Variants in M1AP observed in about 807,000 individuals in gnomAD.
The protein encoded by M1AP is meiosis 1 associated protein, also known as meiosis 1 arrest protein.
Under a neutral mutation model 51.2 loss-of-function variants are expected in M1AP, and 39 were observed. That is an observed-to-expected ratio of 0.76 (90% CI 0.59 to 1.00). The LOEUF (loss-of-function observed/expected upper bound fraction) is 1.00. Among genes scored for constraint, M1AP ranks in the 50% least tolerant of loss-of-function variants. The pLI, the probability that M1AP is intolerant of heterozygous loss-of-function variation, is 0.00. For synonymous variants in M1AP, 251 were observed against 249.2 expected (o/e 1.01, Z -0.07); for missense variants, 545 against 641.2 (o/e 0.85, Z 1.62).
At chr2:74,614,327 G>A (rs1681540051) in intron 3 of M1AP, among the ~76,000 whole-genome samples, 1 of 152,184 alleles carries the variant, frequency 6.6e-6, no homozygotes, top group African/African-American at 2.4e-5. Context: ...TTAGGATGGA[G>A]TGGCAACTTC....
intron 3 of M1AP, among the ~76,000 whole-genome samples, chr2:74,612,489 T>C (rs2104727825): frequency 6.6e-6 from 1 of 152,292 alleles, no homozygotes; most frequent in African/African-American, 2.4e-5. Context: ...CAAAGTGTTG[T>C]ACTATTTTAA....
At chr2:74,591,445 A>C (rs2104632711) in intron 4 of M1AP, among the ~76,000 whole-genome samples, 1 of 152,362 alleles carries the variant, frequency 6.6e-6, no homozygotes, top group East Asian at 1.9e-4. Flanking sequence ...TATTCTATAA[A>C]CCAAAAAGCA....
intron 4 of M1AP, among the ~76,000 whole-genome samples, chr2:74,602,061 G>C (rs961656400): frequency 6.6e-6 from 1 of 152,154 alleles, no homozygotes; most frequent in Non-Finnish European, 1.5e-5. Context: ...TGGAGTAAAA[G>C]AATTATAACT....
At position 74,605,944 on chromosome 2, in the gene M1AP, C is replaced by T. The variant is rs563515768; in HGVS notation, c.595+1111G>A. 5.3e-5 allele frequency among the ~76,000 whole-genome samples: 8 copies of T among 152,154 alleles called. No homozygotes were observed. In the South Asian group the frequency reaches 6.2e-4, roughly 12 times the overall value. On this transcript the variant is annotated intron_variant, in intron 4 of 10. Coordinates refer to ENST00000421985, the MANE Select transcript of M1AP (RefSeq NM_001321739.2). ...GCTATTAATGTCACACTTCCTCAGGCGGCACCAGATACTTGCCAAGCAAGT... is the reference window on the plus strand; with the variant it reads ...GCTATTAATGTCACACTTCCTCAGGTGGCACCAGATACTTGCCAAGCAAGT...
rs115244056 is a variant in M1AP at position 74,615,045 on chromosome 2, T to A, written c.345A>T (p.Ala115=). 8.4e-4 allele frequency: 1,360 copies of A among 1,614,176 alleles called. 14 individuals carry two copies. In the African/African-American group the frequency reaches 0.016, roughly 20 times the overall value. Reference sequence around the variant, plus strand: ...TGAATTGCTGGAGCCCATCCTCTACTGCCAGCCGCAGAGAAGCACCTTGTG... The same window carrying A: ...TGAATTGCTGGAGCCCATCCTCTACAGCCAGCCGCAGAGAAGCACCTTGTG... The part of the protein sequence containing the change: ...FRSQGASLRL[A]VEDGLQQFKQ... The change falls in exon 3 of 11, where the codon GCA becomes GCT. Residue 115 remains alanine, a synonymous_variant. Transcript: ENST00000421985.
intron 1 of M1AP, among the ~76,000 whole-genome samples, chr2:74,643,574 G>C (rs889819248): frequency 6.6e-6 from 1 of 151,620 alleles, no homozygotes; most frequent in African/African-American, 2.4e-5. Context: ...GGGGGTCCTG[G>C]GGTGTTGGTA....
intron 7 of M1AP, among the ~76,000 whole-genome samples, chr2:74,563,606 T>TAAAAAAA (rs750014043): frequency 1.1e-4 from 6 of 54,612 alleles, no homozygotes; most frequent in Non-Finnish European, 1.5e-4. Flanking sequence ...TCTCAAAACA[T>TAAAAAAA]AAAAAAAAAA....
At chr2:74,648,169 G>A in intron 1 of M1AP, 96 bp downstream of exon 1, 1 of 956,964 alleles carries the variant, frequency 1.0e-6, no homozygotes, top group Non-Finnish European at 1.2e-6. Context: ...CCTGCCTGAG[G>A]ACTGGCCCGA....
intron 2 of M1AP, among the ~76,000 whole-genome samples, chr2:74,623,774 C>T (rs1419622298): frequency 6.6e-6 from 1 of 152,170 alleles, no homozygotes; most frequent in Non-Finnish European, 1.5e-5. Flanking sequence ...CAGGCTCAAG[C>T]GATTCTCTCT....
At chr2:74,601,717 T>A (rs1160670001) in intron 4 of M1AP, among the ~76,000 whole-genome samples, 2 of 152,170 alleles carry the variant, frequency 1.3e-5, no homozygotes, top group Non-Finnish European at 2.9e-5. Context: ...ATGGTTAAAA[T>A]TTATAGAAAA....
At chr2:74,605,234 A>G (rs1423463539) in intron 4 of M1AP, among the ~76,000 whole-genome samples, 3 of 152,212 alleles carry the variant, frequency 2.0e-5, no homozygotes, top group African/African-American at 7.2e-5. Flanking sequence ...ATTTCTAGGA[A>G]TTTATTCCAC....
At chr2:74,623,603 A>C (rs1286667284) in intron 2 of M1AP, among the ~76,000 whole-genome samples, 2 of 152,172 alleles carry the variant, frequency 1.3e-5, no homozygotes, top group Non-Finnish European at 2.9e-5. Context: ...ATATATTTTA[A>C]AACTTCCTCA....
At chr2:74,624,459 G>A (rs1682259377) in intron 2 of M1AP, among the ~76,000 whole-genome samples, 1 of 152,122 alleles carries the variant, frequency 6.6e-6, no homozygotes, top group Non-Finnish European at 1.5e-5. Flanking sequence ...TATGGCCCTA[G>A]GCAGTTAGGA....
intron 7 of M1AP, among the ~76,000 whole-genome samples, chr2:74,571,335 G>A (rs1445237271): frequency 6.6e-6 from 1 of 152,200 alleles, no homozygotes; most frequent in Non-Finnish European, 1.5e-5. Context: ...GACAATGGCG[G>A]TGCTGCTATT....
At chr2:74,591,760 G>A (rs1030352681) in intron 4 of M1AP, among the ~76,000 whole-genome samples, 1 of 152,000 alleles carries the variant, frequency 6.6e-6, no homozygotes, top group Non-Finnish European at 1.5e-5. Context: ...TAAAGAAGAC[G>A]CTCAAATCAA....
chr2:74,558,936 C>T, intron 10 of M1AP, 62 bp from the exon 11 acceptor site: 2 of 1,460,046 alleles, frequency 1.4e-6, no homozygotes, highest in Non-Finnish European at 1.8e-6. Context: ...CTATCCCATT[C>T]TCTGTTGGGC....
intron 4 of M1AP, among the ~76,000 whole-genome samples, chr2:74,606,601 C>T (rs1163100273): frequency 1.3e-5 from 2 of 148,160 alleles, no homozygotes; most frequent in South Asian, 2.1e-4. Context: ...TGTGTGTGTG[C>T]ATATATATAT....
At chr2:74,563,605 A>AT (rs1381990662) in intron 7 of M1AP, among the ~76,000 whole-genome samples, 1 of 144,550 alleles carries the variant, frequency 6.9e-6, no homozygotes, top group African/African-American at 2.6e-5. Flanking sequence ...GTCTCAAAAC[A>AT]TAAAAAAAAA....
chr2:74,601,326 GA>G (rs1178793977), intron 4 of M1AP, among the ~76,000 whole-genome samples: 1 of 151,496 alleles, frequency 6.6e-6, no homozygotes, highest in African/African-American at 2.4e-5. Context: ...ATAGCTAAAT[GA>G]AAAAAAAGCA....
Sources: gnomAD v4.1 joint callset for allele counts (sites outside exome capture counted in the v4.1 genomes callset) on GRCh38, gnomAD v4.1.1 for gene constraint, MANE v1.5 for transcripts, NCBI Gene and HGNC (gene_info 2026-07-23, HGNC 2026-07-21) for gene names.